The following SMAD7 variants were observed in gnomAD, a reference collection of about 807,000 sequenced individuals.
SMAD7 encodes the protein MAD (mothers against decapentaplegic, Drosophila) homolog 7.
Under a neutral mutation model 38.7 loss-of-function variants are expected in SMAD7, and 8 were observed. That is an observed-to-expected ratio of 0.21 (90% CI 0.12 to 0.37). The LOEUF (loss-of-function observed/expected upper bound fraction) is 0.37. SMAD7 is among the 10% of genes least tolerant of loss of function. The pLI is 1.00. For synonymous variants in SMAD7, 327 were observed against 265.1 expected (o/e 1.23, Z -2.27); for missense variants, 477 against 577.9 (o/e 0.83, Z 1.79).
chr18:48,947,891 T>G (rs1161171468), intron 2 of SMAD7, among the ~76,000 whole-genome samples: 1 of 90,644 alleles, frequency 1.1e-5, no homozygotes, highest in East Asian at 2.5e-4. Context: ...AGGAGGAACC[T>G]ACCCCCCCCC....
chr18:48,921,940 T>G lies in SMAD7; in HGVS notation c.743-30A>C. On this transcript the variant is annotated intron_variant, in intron 3 of 3. Coordinates refer to ENST00000262158, the MANE Select transcript of SMAD7 (RefSeq NM_005904.4). The surrounding 1 kb of genome is among the most constrained non-coding windows in gnomAD (Gnocchi z 6.4). ...AAAACACATTGGCAGAGAGGGTTAG[T>G]GGGGACAGGCATTGGTGACTCCTAG... is the stretch of plus-strand genomic sequence containing the variant. 6.4e-7 allele frequency: 1 copy of G among 1,554,148 alleles called. No homozygotes were observed. Among genetic ancestry groups the G allele is most frequent in the Non-Finnish European group, 8.7e-7 (1 of 1,154,304 alleles).
chr18:48,950,614 C>T lies in SMAD7; in HGVS notation c.-190G>A, dbSNP rs542851528. 5.7e-5 allele frequency: 17 copies of T among 300,340 alleles called. No individual in the cohort carries two copies. The highest frequency in any genetic ancestry group is 7.9e-5 in the Non-Finnish European group (14 of 177,416). The allele number at this position is 300,340 out of a possible 1,614,324, so 18.6% of individuals were successfully genotyped here. ...TGGCATGCGCCAGTCTCCCGGAGGCCGGGGCGCGCGCGGGGGCCCGGGGGC... is the reference window on the plus strand; with the variant it reads ...TGGCATGCGCCAGTCTCCCGGAGGCTGGGGCGCGCGCGGGGGCCCGGGGGC... On this transcript the variant is annotated 5_prime_UTR_variant, in exon 1 of 4. Coordinates refer to ENST00000262158, the MANE Select transcript of SMAD7 (RefSeq NM_005904.4).
chr18:48,932,320 G>A (rs548023358), intron 3 of SMAD7, among the ~76,000 whole-genome samples: 1 of 152,168 alleles, frequency 6.6e-6, no homozygotes, highest in Non-Finnish European at 1.5e-5. Context: ...ATCTGCCAAC[G>A]GCACAGTCAT....
At chr18:48,928,988 G>A (rs1038296289) in intron 3 of SMAD7, among the ~76,000 whole-genome samples, 1 of 152,076 alleles carries the variant, frequency 6.6e-6, no homozygotes, top group African/African-American at 2.4e-5. Flanking sequence ...CCAGCTGCCT[G>A]CAGCCACTGC....
chr18:48,935,370 A>G (rs1027131835), intron 3 of SMAD7, among the ~76,000 whole-genome samples: 1 of 152,206 alleles, frequency 6.6e-6, no homozygotes, highest in African/African-American at 2.4e-5. Context: ...GGGGCTAGCC[A>G]TTCAATACCG....
chr18:48,934,764 G>GA (rs1038786800), intron 3 of SMAD7, among the ~76,000 whole-genome samples: 9 of 151,806 alleles, frequency 5.9e-5, no homozygotes, highest in Admixed American at 5.9e-4. Context: ...TCTCGTGGGA[G>GA]TGGAAGGGAA....
In SMAD7 at chr18:48,950,140, G is replaced by C; in HGVS notation, c.285C>G (p.Leu95=). 4 of 1,496,356 alleles carry C rather than the reference G, an allele frequency of 2.7e-6. No individual in the cohort carries two copies. The highest frequency in any genetic ancestry group is 3.6e-6 in the Non-Finnish European group (4 of 1,126,698). 92.7% of individuals were successfully genotyped at this position (1,496,356 alleles called of 1,614,324 possible). A position where few individuals can be genotyped will look rare whatever the true frequency, so the allele number is the denominator to read the frequency against. ...TCAGTTTCTTGAGCACCGAGTGCGTGAGCGCCTTCAGATCCGCCTCGGCGC... is the reference window on the plus strand; with the variant it reads ...TCAGTTTCTTGAGCACCGAGTGCGTCAGCGCCTTCAGATCCGCCTCGGCGC... ...AGGAEADLKA[L]THSVLKKLKE... The change falls in exon 1 of 4, where the codon CTC becomes CTG. Residue 95 remains leucine (L), a synonymous_variant. Coordinates refer to ENST00000262158, the MANE Select transcript of SMAD7 (RefSeq NM_005904.4).
At chr18:48,932,418 G>A (rs1055148306) in intron 3 of SMAD7, among the ~76,000 whole-genome samples, 16 of 152,266 alleles carry the variant, frequency 1.1e-4, no homozygotes, top group African/African-American at 3.6e-4. Context: ...GCACACAGTC[G>A]CTGGCCTGGT....
chr18:48,921,197 G>A lies in SMAD7; in HGVS notation c.*175C>T. 5.0e-6 allele frequency: 3 copies of A among 597,462 alleles called. No individual in the cohort carries two copies. The highest frequency in any genetic ancestry group is 1.9e-5 in the African/African-American group (1 of 53,678). 37.0% of individuals were successfully genotyped at this position (597,462 alleles called of 1,614,324 possible). A position where few individuals can be genotyped will look rare whatever the true frequency, so the allele number is the denominator to read the frequency against. On this transcript the variant is annotated 3_prime_UTR_variant, in exon 4 of 4. Coordinates refer to ENST00000262158, the MANE Select transcript of SMAD7 (RefSeq NM_005904.4). The surrounding 1 kb of genome is among the most constrained non-coding windows in gnomAD (Gnocchi z 6.4). The stretch of plus-strand genomic sequence containing the variant: ...TTCTTTTCATAAGCTATTTCTCAAA[G>A]AGCGAAACAAAACAGAACACAAACG...
rs2069836673 is a variant in SMAD7, at chr18:48,919,999, C to CA, written c.*1372dup. The CA allele has an allele frequency of 6.6e-6, 1 of 152,512 alleles. No homozygotes were observed. Among genetic ancestry groups the CA allele is most frequent in the Non-Finnish European group, 1.5e-5 (1 of 68,022 alleles). The allele number at this position is 152,512 out of a possible 1,614,324, so 9.4% of individuals were successfully genotyped here. A position where few individuals can be genotyped will look rare whatever the true frequency, so the allele number is the denominator to read the frequency against. On this transcript the variant is annotated 3_prime_UTR_variant, in exon 4 of 4. Coordinates refer to ENST00000262158, the MANE Select transcript of SMAD7 (RefSeq NM_005904.4). ...TTTGTTATTTGCATTTATATTAAAG[C>CA]AAAGTGCATCTTTTCTTTATTTTTC...
At chr18:48,948,499 T>C (rs879810666) in intron 1 of SMAD7, 62 bp from the exon 2 acceptor site, 83 of 1,167,174 alleles carry the variant, frequency 7.1e-5, no homozygotes, top group Non-Finnish European at 8.6e-5. Flanking sequence ...TAGAAACTTA[T>C]GATAACAGAG....
intron 3 of SMAD7, among the ~76,000 whole-genome samples, chr18:48,927,678 A>G (rs7226855): frequency 0.52 from 79,347 of 152,002 alleles, 21,088 homozygotes; most frequent in East Asian, 0.7. Context: ...TGCTGCACAC[A>G]CGTTGGTCTC....
At chr18:48,933,339 C>G (rs2070025182) in intron 3 of SMAD7, among the ~76,000 whole-genome samples, 1 of 152,172 alleles carries the variant, frequency 6.6e-6, no homozygotes, top group Non-Finnish European at 1.5e-5. Flanking sequence ...GAGGCAACTC[C>G]TAGTCAATCC....
chr18:48,944,604 A>G (rs1201131845), intron 2 of SMAD7, among the ~76,000 whole-genome samples: 1 of 152,168 alleles, frequency 6.6e-6, no homozygotes, highest in African/African-American at 2.4e-5. Context: ...GCTATTCCCA[A>G]GAGTCCAGCC....
At chr18:48,939,071 A>G (rs1039938689) in intron 3 of SMAD7, among the ~76,000 whole-genome samples, 26 of 152,252 alleles carry the variant, frequency 1.7e-4, no homozygotes, top group African/African-American at 6.0e-4. Context: ...CCTATCCCAG[A>G]GCCTGCCTGT....
At chr18:48,929,098 TA>T (rs36025258) in intron 3 of SMAD7, among the ~76,000 whole-genome samples, 82,457 of 151,910 alleles carry the variant, frequency 0.54, 22,867 homozygotes, top group East Asian at 0.69. Flanking sequence ...ATATTGACAG[TA>T]AAGGGCCTCT....
In SMAD7 at chr18:48,950,202, G is replaced by A; in HGVS notation, c.223C>T (p.Pro75Ser). Residue 75 changes from proline (P) to serine (S), a missense_variant, in exon 1 of 4, where the codon CCC becomes TCC. By Grantham distance (74) the Pro-to-Ser change is moderately conservative. Transcript: ENST00000262158. ...CCGGCGCCCGCGGCTGGCGGGTGGGGATGGTGGTGACCTTTGGCACCTCGC... is the reference window on the plus strand; with the variant it reads ...CCGGCGCCCGCGGCTGGCGGGTGGGAATGGTGGTGACCTTTGGCACCTCGC... ...AVRGAKGHHH[P>S]HPPAAGAGAA... is the part of the protein sequence containing the mutation. The A allele has an allele frequency of 4.0e-6, 6 of 1,493,140 alleles. No homozygotes were observed. The highest frequency in any genetic ancestry group is 5.3e-6 in the Non-Finnish European group (6 of 1,126,698). The allele number at this position is 1,493,140 out of a possible 1,614,324, so 92.5% of individuals were successfully genotyped here. A position where few individuals can be genotyped will look rare whatever the true frequency, so the allele number is the denominator to read the frequency against.
intron 1 of SMAD7, among the ~76,000 whole-genome samples, chr18:48,949,576 T>A (rs1361883603): frequency 6.6e-6 from 1 of 152,100 alleles, no homozygotes; most frequent in Non-Finnish European, 1.5e-5. Flanking sequence ...GGAGAAAACC[T>A]GGAAGGGAAC....
At chr18:48,922,156 G>A (rs1013863990) in intron 3 of SMAD7, among the ~76,000 whole-genome samples, 4 of 152,176 alleles carry the variant, frequency 2.6e-5, no homozygotes, top group Admixed American at 2.6e-4. Context: ...CCCATCAGGA[G>A]TCCAGTACAC....
Sources: allele counts gnomAD v4.1 joint callset (sites outside exome capture counted in the v4.1 genomes callset), GRCh38; gene constraint gnomAD v4.1.1; non-coding constraint Gnocchi (gnomAD v3.1); transcripts MANE v1.5; gene names NCBI Gene and HGNC (gene_info 2026-07-23, HGNC 2026-07-21).